HCN1: variants seen among roughly 807,000 people sequenced by gnomAD.
HCN1 encodes the protein hyperpolarization activated cyclic nucleotide gated potassium channel 1.
In HCN1, 13 loss-of-function variants were observed where a neutral mutation model predicts 78.9. The ratio of observed to expected loss-of-function variants is 0.16; its 90% confidence interval spans 0.11 to 0.26. The LOEUF (loss-of-function observed/expected upper bound fraction) is 0.26, where lower values mean the gene tolerates loss of function less well. Among genes scored for constraint, HCN1 ranks in the 10% least tolerant of loss-of-function variants. The pLI is 1.00. For missense variants in HCN1, 810 were observed against 1,154.3 expected, an observed-to-expected ratio of 0.70 and a Z score of 4.32; for synonymous variants, 552 against 455.5, an observed-to-expected ratio of 1.21 and a Z score of -2.70.
chr5:45,373,407 AAT>A (rs1308187465), intron 4 of HCN1, among the ~76,000 whole-genome samples: 5 of 133,562 alleles, frequency 3.7e-5, no homozygotes, highest in African/African-American at 1.1e-4. Flanking sequence ...TATTATATAA[AAT>A]ATATTATAAT....
intron 2 of HCN1, among the ~76,000 whole-genome samples, chr5:45,521,203 A>T (rs1742607276): frequency 6.6e-6 from 1 of 151,822 alleles, no homozygotes; most frequent in Admixed American, 6.6e-5. Context: ...CCTCTTTGCA[A>T]AGAGGGAGCC....
At position 45,324,589 on chromosome 5, in the gene HCN1, C is replaced by T. The variant is rs187130938; in HGVS notation, c.1378-20750G>A. ...TAGTTCAACCTAAAGTAAGATTTTT[C>T]AATATTTATTTATAACTTGAAGAGA... On this transcript the variant is annotated intron_variant, in intron 5 of 7. Transcript: ENST00000303230. Among the ~76,000 whole-genome samples, 7 of 151,756 alleles carry T rather than the reference C, an allele frequency of 4.6e-5. No homozygotes were observed. In the East Asian group the frequency reaches 5.8e-4, roughly 13 times the overall value.
At chr5:45,644,962 G>T in intron 2 of HCN1, 3 of 541,250 alleles carry the variant, frequency 5.5e-6, no homozygotes, top group Non-Finnish European at 9.7e-6. Flanking sequence ...AAATAAATTG[G>T]CATAAAACGA....
chr5:45,450,084 G>A (rs962972663), intron 3 of HCN1, among the ~76,000 whole-genome samples: 1 of 152,144 alleles, frequency 6.6e-6, no homozygotes, highest in African/African-American at 2.4e-5. Context: ...GCCTGCCTCG[G>A]CCTCCCAAAA....
rs1252132488 is a variant in HCN1 at position 45,492,390 on chromosome 5, TG to T, written c.850-30384del. ...TGAGAGGATCTTAGACTTCTTTAAA[TG>T]AATATATATATATATATATATATAT... On this transcript the variant is annotated intron_variant, in intron 2 of 7. Transcript: ENST00000303230. Among the ~76,000 whole-genome samples the T allele has an allele frequency of 2.3e-4, 17 of 73,340 alleles. 1 individual carries two copies. Among genetic ancestry groups the T allele is most frequent in the African/African-American group, 7.7e-4 (17 of 22,142 alleles). 48.1% of individuals were successfully genotyped at this position (73,340 alleles called of 152,430 possible). A position where few individuals can be genotyped will look rare whatever the true frequency, so the allele number is the denominator to read the frequency against.
intron 5 of HCN1, among the ~76,000 whole-genome samples, chr5:45,318,373 T>C (rs926386563): frequency 6.6e-5 from 10 of 151,850 alleles, no homozygotes; most frequent in South Asian, 2.1e-4. Context: ...ATGAGAATAC[T>C]TGGTCACAGA....
At chr5:45,572,126 C>G (rs546026236) in intron 2 of HCN1, among the ~76,000 whole-genome samples, 91 of 152,202 alleles carry the variant, frequency 6.0e-4, no homozygotes, top group Middle Eastern at 6.8e-3. Context: ...CTATTGTTAT[C>G]CTCCTTTCAG....
chr5:45,423,961 T>C (rs532530480), intron 3 of HCN1, among the ~76,000 whole-genome samples: 2 of 152,054 alleles, frequency 1.3e-5, no homozygotes, highest in African/African-American at 4.8e-5. Flanking sequence ...TAAAAATTGA[T>C]GTTTGCCTTT....
At chr5:45,347,740 C>T (rs561575695) in intron 5 of HCN1, among the ~76,000 whole-genome samples, 9 of 151,700 alleles carry the variant, frequency 5.9e-5, no homozygotes, top group South Asian at 2.1e-4. Flanking sequence ...GGAGCCGATG[C>T]GATCAACTGG....
chr5:45,533,430 C>A (rs62369089), intron 2 of HCN1, among the ~76,000 whole-genome samples: 2 of 152,110 alleles, frequency 1.3e-5, no homozygotes, highest in African/African-American at 2.4e-5. Flanking sequence ...TTTGTGTCAC[C>A]GCCACTTTGA....
chr5:45,664,866 TC>T (rs1396093496), intron 1 of HCN1, among the ~76,000 whole-genome samples: 2 of 151,972 alleles, frequency 1.3e-5, no homozygotes, highest in Non-Finnish European at 2.9e-5. Context: ...GTAAACTAGT[TC>T]AACCATTGTG....
At chr5:45,301,590 C>A (rs1328588318) in intron 6 of HCN1, among the ~76,000 whole-genome samples, 2 of 151,204 alleles carry the variant, frequency 1.3e-5, no homozygotes, top group Non-Finnish European at 3.0e-5. Flanking sequence ...GGCATGGGGA[C>A]ACATGCCTGT....
At chr5:45,308,015 G>C (rs1214346790) in intron 5 of HCN1, among the ~76,000 whole-genome samples, 2 of 152,070 alleles carry the variant, frequency 1.3e-5, no homozygotes, top group East Asian at 3.9e-4. Flanking sequence ...TGCATGGGAG[G>C]AGGTGTTTCA....
intron 4 of HCN1, among the ~76,000 whole-genome samples, chr5:45,389,465 T>C (rs554587568): frequency 3.4e-4 from 52 of 152,276 alleles, no homozygotes; most frequent in African/African-American, 1.2e-3. Context: ...ATCATTCTAT[T>C]AGGTGAAATA....
intron 5 of HCN1, among the ~76,000 whole-genome samples, chr5:45,318,335 G>T (rs987722897): frequency 3.9e-5 from 6 of 151,982 alleles, no homozygotes; most frequent in Admixed American, 1.3e-4. Flanking sequence ...AACACCACAT[G>T]TTCTCACTCA....
chr5:45,523,926 G>C (rs944657976), intron 2 of HCN1, among the ~76,000 whole-genome samples: 1 of 152,138 alleles, frequency 6.6e-6, no homozygotes, highest in Non-Finnish European at 1.5e-5. Flanking sequence ...TGGACATGAA[G>C]TCCTTGCCCA....
At chr5:45,437,695 C>G (rs1740583981) in intron 3 of HCN1, among the ~76,000 whole-genome samples, 1 of 152,120 alleles carries the variant, frequency 6.6e-6, no homozygotes, top group South Asian at 2.1e-4. Flanking sequence ...CTTGGCTATG[C>G]TGACAAAAAA....
intron 2 of HCN1, among the ~76,000 whole-genome samples, chr5:45,585,433 T>G (rs968213338): frequency 6.6e-6 from 1 of 152,050 alleles, no homozygotes; most frequent in Non-Finnish European, 1.5e-5. Context: ...ATTCGTCTAA[T>G]TTTTTTTCAA....
intron 2 of HCN1, among the ~76,000 whole-genome samples, chr5:45,478,025 G>A (rs1741558233): frequency 1.3e-5 from 2 of 151,862 alleles, no homozygotes; most frequent in African/African-American, 4.8e-5. Flanking sequence ...ATACTTTGAG[G>A]CACCTATAAT....
Sources: gnomAD v4.1 joint callset for allele counts (sites outside exome capture counted in the v4.1 genomes callset) on GRCh38, gnomAD v4.1.1 for gene constraint, MANE v1.5 for transcripts, NCBI Gene and HGNC (gene_info 2026-07-23, HGNC 2026-07-21) for gene names.